The following LIN28B variants were observed in gnomAD, a reference collection of about 807,000 sequenced individuals.
LIN28B encodes the protein protein lin-28 homolog B.
A neutral mutation model predicts 21.9 loss-of-function variants in LIN28B; 5 were observed. The ratio of observed to expected loss-of-function variants is 0.23; its 90% CI spans 0.12 to 0.48. The LOEUF is 0.48. LIN28B is among the 20% of genes least tolerant of loss of function. The pLI, the probability that LIN28B is intolerant of heterozygous loss-of-function variation, is 0.98. For synonymous variants in LIN28B, 109 were observed against 111.3 expected, an observed-to-expected ratio of 0.98 and a Z score of 0.13; for missense variants, 245 against 310.5, an observed-to-expected ratio of 0.79 and a Z score of 1.58.
chr6:105,037,397 G>A (rs1771540832), intron 3 of LIN28B, among the ~76,000 whole-genome samples: 1 of 151,980 alleles, frequency 6.6e-6, no homozygotes, highest in Non-Finnish European at 1.5e-5. Context: ...ATTCACATTG[G>A]CATTTTAATT....
intron 2 of LIN28B, among the ~76,000 whole-genome samples, chr6:104,963,108 C>T (rs1033473605): frequency 2.0e-5 from 3 of 152,110 alleles, no homozygotes; most frequent in East Asian, 1.9e-4. Context: ...AGTGCAGTGG[C>T]GCGATCTCTG....
At chr6:105,013,245 A>T (rs1336885958) in intron 2 of LIN28B, among the ~76,000 whole-genome samples, 1 of 151,880 alleles carries the variant, frequency 6.6e-6, no homozygotes, top group Non-Finnish European at 1.5e-5. Flanking sequence ...TCCTGAACTC[A>T]GGTGATCCGC....
At chr6:105,070,108 C>A (rs529925689) in intron 3 of LIN28B, among the ~76,000 whole-genome samples, 4 of 152,076 alleles carry the variant, frequency 2.6e-5, no homozygotes, top group Admixed American at 6.6e-5. Flanking sequence ...ATTGTCAGTG[C>A]GACACTTGAG....
chr6:104,937,194 C>G (rs1778019050), intron 2 of LIN28B: 1 of 152,130 alleles, frequency 6.6e-6, no homozygotes, highest in African/African-American at 2.4e-5. Flanking sequence ...GGCTGGAGTT[C>G]AGTGGTGCGA....
At chr6:104,988,746 T>C (rs1217637404) in intron 2 of LIN28B, among the ~76,000 whole-genome samples, 1 of 152,038 alleles carries the variant, frequency 6.6e-6, no homozygotes, top group Admixed American at 6.6e-5. Context: ...CCGGCTAATT[T>C]TTTTGTATTT....
chr6:105,038,831 A>C (rs2114361969), intron 3 of LIN28B, among the ~76,000 whole-genome samples: 1 of 152,302 alleles, frequency 6.6e-6, no homozygotes, highest in South Asian at 2.1e-4. Flanking sequence ...TCACTGAAAA[A>C]CTGTGTGGCA....
At chr6:105,018,857 A>C (rs764143162) in intron 2 of LIN28B, among the ~76,000 whole-genome samples, 1 of 151,964 alleles carries the variant, frequency 6.6e-6, no homozygotes, top group Non-Finnish European at 1.5e-5. Flanking sequence ...TATTGATGTT[A>C]TATTGTCTCA....
intron 2 of LIN28B, among the ~76,000 whole-genome samples, chr6:104,961,091 T>C (rs314275): frequency 0.69 from 105,156 of 151,978 alleles, 36,497 homozygotes; most frequent in African/African-American, 0.73. Context: ...CTAATGTTAA[T>C]TTGTAATTTA....
chr6:104,953,748 G>T (rs1778250194), upstream of LIN28B, among the ~76,000 whole-genome samples: 1 of 152,238 alleles, frequency 6.6e-6, no homozygotes, highest in Admixed American at 6.5e-5. Flanking sequence ...GACCTGCCTG[G>T]AGAGGCGGGT....
At chr6:104,997,004 G>A (rs189438868) in intron 2 of LIN28B, among the ~76,000 whole-genome samples, 57 of 152,112 alleles carry the variant, frequency 3.7e-4, no homozygotes, top group African/African-American at 1.3e-3. Flanking sequence ...AAGAAAGGCC[G>A]GGCACAGTGG....
chr6:104,950,181 C>A (rs1351150454), intron 2 of LIN28B, among the ~76,000 whole-genome samples: 2 of 151,992 alleles, frequency 1.3e-5, no homozygotes, highest in East Asian at 3.8e-4. Context: ...ATTTAAACTG[C>A]ATTGTTCGTG....
chr6:104,962,844 TA>T (rs1019351685), intron 2 of LIN28B, among the ~76,000 whole-genome samples: 10 of 152,002 alleles, frequency 6.6e-5, no homozygotes, highest in African/African-American at 1.4e-4. Context: ...AAATGCCAAT[TA>T]AAAAAAATTA....
chr6:105,064,967 G>A (rs1772193396), intron 3 of LIN28B, among the ~76,000 whole-genome samples: 1 of 152,180 alleles, frequency 6.6e-6, no homozygotes, highest in Non-Finnish European at 1.5e-5. Context: ...CTGTTAACAT[G>A]TAGAATCTAG....
Position 105,043,341 on chromosome 6 carries a change from C to CAA in LIN28B, c.383+16889_383+16890dup, listed in dbSNP as rs57532096. On this transcript the variant is annotated intron_variant, in intron 3 of 3. Coordinates refer to ENST00000345080, the MANE Select transcript of LIN28B (RefSeq NM_001004317.4). ...AGAGCAACAGAGTGAGACTCTGTCT[C>CAA]AAAAAAAAAAAAAAAAAAAAAAAAA... is the stretch of plus-strand genomic sequence containing the variant. Among the ~76,000 whole-genome samples, 96 of 75,380 alleles carry CAA rather than the reference C, an allele frequency of 1.3e-3. 3 individuals are homozygous for CAA. The highest frequency in any genetic ancestry group is 1.4e-3 in the African/African-American group (20 of 13,892). The allele number at this position is 75,380 out of a possible 152,430, so 49.5% of individuals were successfully genotyped here. A position where few individuals can be genotyped will look rare whatever the true frequency, so the allele number is the denominator to read the frequency against.
rs1436818409 is a variant in LIN28B at position 104,963,589 on chromosome 6, C to A, written c.198+5303C>A. Among the ~76,000 whole-genome samples, 3 of 152,068 alleles carry A rather than the reference C, an allele frequency of 2.0e-5. No homozygotes were observed. In the East Asian group the frequency reaches 5.8e-4, roughly 29 times the overall value. ...ATTTTTCTCCTGCCTTTTTAAAGAG[C>A]AGTTTTAGGTTCACAGCAAAATTAA... On this transcript the variant is annotated intron_variant, in intron 2 of 3. Coordinates refer to ENST00000345080, the MANE Select transcript of LIN28B (RefSeq NM_001004317.4).
At chr6:104,953,415 A>G (rs1367017545), upstream of LIN28B, among the ~76,000 whole-genome samples, 1 of 152,208 alleles carries the variant, frequency 6.6e-6, no homozygotes, top group Non-Finnish European at 1.5e-5. Context: ...AAAGGGATCA[A>G]ATTATAAGTG....
intron 2 of LIN28B, among the ~76,000 whole-genome samples, chr6:104,997,545 C>T (rs538109868): frequency 6.7e-6 from 1 of 150,276 alleles, no homozygotes; most frequent in Admixed American, 6.6e-5. Context: ...TAACACCCGC[C>T]CCCCCCCGCC....
intron 3 of LIN28B, among the ~76,000 whole-genome samples, chr6:105,060,541 G>A (rs966828871): frequency 6.6e-6 from 1 of 152,172 alleles, no homozygotes; most frequent in Non-Finnish European, 1.5e-5. Flanking sequence ...TGCACCTGGA[G>A]TATCAGTTAC....
At position 105,027,561 on chromosome 6, in the gene LIN28B, A is replaced by G. The variant is rs138758960; in HGVS notation, c.383+1079A>G. Among the ~76,000 whole-genome samples, 990 of 152,056 alleles carry G rather than the reference A, an allele frequency of 6.5e-3. 9 individuals are homozygous for G. Among genetic ancestry groups the G allele is most frequent in the African/African-American group, 0.023 (949 of 41,558 alleles). ...GAATCTTTCTTCTCAAATAAAAAAT[A>G]AGAAATTTTTTTAGCTTATAAAATA... is the stretch of plus-strand genomic sequence containing the variant. On this transcript the variant is annotated intron_variant, in intron 3 of 3. Transcript: ENST00000345080.
Sources: allele counts gnomAD v4.1 joint callset (sites outside exome capture counted in the v4.1 genomes callset), GRCh38; gene constraint gnomAD v4.1.1; transcripts MANE v1.5; gene names NCBI Gene and HGNC (gene_info 2026-07-23, HGNC 2026-07-21).